Variants in CDH18 observed in about 807,000 individuals in gnomAD.
CDH18 encodes cadherin-18.
Under a neutral mutation model 67.9 loss-of-function variants are expected in CDH18, and 31 were observed. That is an observed-to-expected ratio of 0.46 (90% confidence interval 0.34 to 0.62). The LOEUF (loss-of-function observed/expected upper bound fraction) is 0.62. Ranked by LOEUF, CDH18 falls within the 20% of genes least tolerant of loss-of-function variation. The pLI is 0.01. For missense variants in CDH18, 890 were observed against 975.5 expected, an observed-to-expected ratio of 0.91 and a Z score of 1.17; for synonymous variants, 362 against 347.2, an observed-to-expected ratio of 1.04 and a Z score of -0.48.
chr5:20,571,365 A>G (rs1726529228), intron 1 of CDH18, among the ~76,000 whole-genome samples: 2 of 152,190 alleles, frequency 1.3e-5, no homozygotes, highest in South Asian at 4.1e-4. Context: ...ATAAAAGATA[A>G]TCTCTTTTTA....
intron 6 of CDH18, among the ~76,000 whole-genome samples, chr5:19,605,145 T>C (rs1475690044): frequency 6.6e-6 from 1 of 151,856 alleles, no homozygotes. Context: ...CCACATAGAT[T>C]AAAAACAAAC....
intron 10 of CDH18, among the ~76,000 whole-genome samples, chr5:19,516,307 T>G (rs916277392): frequency 2.0e-5 from 3 of 152,182 alleles, no homozygotes; most frequent in African/African-American, 7.2e-5. Context: ...GGTCTAAAAT[T>G]CTCTATTTTT....
intron 2 of CDH18, among the ~76,000 whole-genome samples, chr5:19,872,568 G>GA (rs1786442810): frequency 6.6e-6 from 1 of 152,182 alleles, no homozygotes; most frequent in African/African-American, 2.4e-5. Context: ...TCTGCAGCCA[G>GA]AAAAAATGAA....
At chr5:19,854,144 C>A (rs1784013018) in intron 2 of CDH18, among the ~76,000 whole-genome samples, 1 of 152,136 alleles carries the variant, frequency 6.6e-6, no homozygotes, top group East Asian at 1.9e-4. Context: ...TTTGGAAGGG[C>A]TTTTAAACAT....
intron 2 of CDH18, among the ~76,000 whole-genome samples, chr5:20,151,506 A>G (rs1243620939): frequency 6.6e-6 from 1 of 152,128 alleles, no homozygotes; most frequent in Non-Finnish European, 1.5e-5. Flanking sequence ...TATATACCCA[A>G]TAATGGGATT....
chr5:19,551,890 T>A (rs1357642987), intron 8 of CDH18, among the ~76,000 whole-genome samples: 1 of 152,162 alleles, frequency 6.6e-6, no homozygotes, highest in Non-Finnish European at 1.5e-5. Flanking sequence ...AGAGCAATTT[T>A]TATTTGGAAG....
chr5:20,255,731 T>C (rs1169025391), intron 1 of CDH18, among the ~76,000 whole-genome samples: 1 of 151,984 alleles, frequency 6.6e-6, no homozygotes, highest in Non-Finnish European at 1.5e-5. Context: ...CTCCGTCACG[T>C]GTTAGCCATG....
chr5:20,077,683 T>C (rs1377294352), intron 2 of CDH18, among the ~76,000 whole-genome samples: 1 of 152,234 alleles, frequency 6.6e-6, no homozygotes, highest in Non-Finnish European at 1.5e-5. Context: ...CTTTTCAATA[T>C]ACAAAATTAA....
intron 6 of CDH18, among the ~76,000 whole-genome samples, chr5:19,606,001 A>C (rs1353817350): frequency 6.6e-6 from 1 of 152,140 alleles, no homozygotes; most frequent in African/African-American, 2.4e-5. Context: ...GTGCATCTGG[A>C]AGGCAAAGGC....
intron 1 of CDH18, among the ~76,000 whole-genome samples, chr5:20,403,505 A>G (rs1745961665): frequency 6.6e-6 from 1 of 152,330 alleles, no homozygotes; most frequent in South Asian, 2.1e-4. Context: ...ATAGACATGA[A>G]AACAACATTA....
intron 5 of CDH18, among the ~76,000 whole-genome samples, chr5:19,642,380 G>A (rs1754134974): frequency 6.6e-6 from 1 of 151,890 alleles, no homozygotes; most frequent in South Asian, 2.1e-4. Flanking sequence ...GCAATCTTGA[G>A]TAAGAAGAAC....
In CDH18 at chr5:20,574,324, C is replaced by A. The variant is rs940237566; in HGVS notation, c.-580+1138G>T. 2.0e-5 allele frequency among the ~76,000 whole-genome samples: 3 copies of A among 151,886 alleles called. No homozygotes were observed. The East Asian group carries it at 5.8e-4, about 29-fold the overall frequency. On this transcript the variant is annotated intron_variant, in intron 1 of 14. Transcript: ENST00000507958. The stretch of plus-strand genomic sequence containing the variant: ...ACATGTGGGCTACTACTAAGGTTGG[C>A]AATCATGTTCTTTTTTGAAACGTTG...
At chr5:19,582,714 T>A (rs558140493) in intron 7 of CDH18, among the ~76,000 whole-genome samples, 2 of 152,174 alleles carry the variant, frequency 1.3e-5, no homozygotes, top group African/African-American at 2.4e-5. Flanking sequence ...TTATTTATAG[T>A]TTGTGATCAT....
At chr5:20,048,135 AAGT>A (rs1233373925) in intron 2 of CDH18, among the ~76,000 whole-genome samples, 5 of 151,674 alleles carry the variant, frequency 3.3e-5, no homozygotes, top group Admixed American at 3.3e-4. Flanking sequence ...TTTTTCTTAA[AAGT>A]AGGCTGAAAT....
rs33950954 is a variant in CDH18 at position 20,566,526 on chromosome 5, ATT to A, written c.-580+8934_-580+8935del. On this transcript the variant is annotated intron_variant, in intron 1 of 14. Coordinates refer to the CDH18 transcript ENST00000507958. ...AGGTTCGCGCCACCATGCCCAGCTA[ATT>A]TTTTTTTTTTTTTTTTTTTTGTATT... 4.7e-3 allele frequency among the ~76,000 whole-genome samples: 455 copies of A among 97,368 alleles called. 4 individuals are homozygous for A. The highest frequency in any genetic ancestry group is 0.014 in the African/African-American group (336 of 24,652). 63.9% of individuals were successfully genotyped at this position (97,368 alleles called of 152,430 possible).
In CDH18 at chr5:19,552,859, A is replaced by G. The variant is rs1421300896; in HGVS notation, c.1254-8854T>C. 2.0e-5 allele frequency among the ~76,000 whole-genome samples: 3 copies of G among 152,182 alleles called. No homozygotes were observed. The East Asian group carries it at 5.8e-4, about 29-fold the overall frequency. On this transcript the variant is annotated intron_variant, in intron 8 of 12. Coordinates refer to ENST00000382275, the MANE Select transcript of CDH18 (RefSeq NM_004934.5). The stretch of plus-strand genomic sequence containing the variant: ...GCCAAGTTCCCAATATAACTTATAA[A>G]TACTGGCTATAATTTTTTATTTCTA...
intron 5 of CDH18, among the ~76,000 whole-genome samples, chr5:19,653,289 G>T (rs1241486840): frequency 6.6e-6 from 1 of 152,014 alleles, no homozygotes; most frequent in Non-Finnish European, 1.5e-5. Context: ...CTGAGCTTGA[G>T]TCTTTTTTTT....
At chr5:20,288,197 G>GCTT (rs779592309) in intron 1 of CDH18, among the ~76,000 whole-genome samples, 4 of 151,618 alleles carry the variant, frequency 2.6e-5, no homozygotes, top group Non-Finnish European at 5.9e-5. Flanking sequence ...CAATTCAGAG[G>GCTT]CAGAATCTCA....
chr5:20,031,391 G>A lies in CDH18; in HGVS notation c.-517-39377C>T, dbSNP rs1025467697. ...CCACAGAGTCCTGAGTATAATGTTC[G>A]GTATGCTAGCTTGGCAAATCTAAAG... On this transcript the variant is annotated intron_variant, in intron 2 of 14. Transcript: ENST00000507958. 1.2e-4 allele frequency among the ~76,000 whole-genome samples: 18 copies of A among 151,952 alleles called. 1 individual carries two copies. Among genetic ancestry groups the A allele is most frequent in the Non-Finnish European group, 2.9e-5 (2 of 67,988 alleles).
Sources: gnomAD v4.1 joint callset for allele counts (sites outside exome capture counted in the v4.1 genomes callset) on GRCh38, gnomAD v4.1.1 for gene constraint, MANE v1.5 for transcripts, NCBI Gene and HGNC (gene_info 2026-07-23, HGNC 2026-07-21) for gene names.